CD34: variants seen among roughly 807,000 people sequenced by gnomAD.
The protein encoded by CD34 is hematopoietic progenitor cell antigen CD34.
CD34 carries 34 observed loss-of-function variants against 40.1 expected under a neutral mutation model. That is an observed-to-expected ratio of 0.85 (90% CI 0.65 to 1.13). CD34 has a LOEUF of 1.13. Ranked by LOEUF, CD34 falls within the 50% of genes most tolerant of loss-of-function variation. The pLI is 0.00. For synonymous variants in CD34, 209 were observed against 190.0 expected (o/e 1.10, Z -0.82); for missense variants, 426 against 466.9 (o/e 0.91, Z 0.81).
At chr1:207,909,754 T>G (rs1212083000) in intron 1 of CD34, among the ~76,000 whole-genome samples, 1 of 152,182 alleles carries the variant, frequency 6.6e-6, no homozygotes, top group African/African-American at 2.4e-5. Context: ...CTCTAGAATT[T>G]TGAAACCTCA....
At position 207,886,706 on chromosome 1, in the gene CD34, G is replaced by A. The variant is rs531709343; in HGVS notation, c.*1032C>T. 1 of 152,750 alleles carries A rather than the reference G, an allele frequency of 6.5e-6. No individual in the cohort carries two copies. The highest frequency in any genetic ancestry group is 2.4e-5 in the African/African-American group (1 of 41,536). 9.5% of individuals were successfully genotyped at this position (152,750 alleles called of 1,614,324 possible). ...GAAATCAACAGCAAACAAGGACCTG[G>A]GTCACCCACAGAAGAGGCAGCTGGT... is the stretch of plus-strand genomic sequence containing the variant. On this transcript the variant is annotated 3_prime_UTR_variant, in exon 8 of 8. Coordinates refer to ENST00000310833, the MANE Select transcript of CD34 (RefSeq NM_001025109.2).
At chr1:207,889,270 AC>A in intron 5 of CD34, 57 bp from the exon 6 acceptor site, 1 of 1,612,696 alleles carries the variant, frequency 6.2e-7, no homozygotes, top group South Asian at 1.1e-5. Flanking sequence ...ATCCTGCTCC[AC>A]CCTCCCATGC....
At position 207,889,139 on chromosome 1, in the gene CD34, C is replaced by A. The variant is rs750419689; in HGVS notation, c.807+22G>T. On this transcript the variant is annotated intron_variant, in intron 6 of 7. Coordinates refer to ENST00000310833, the MANE Select transcript of CD34 (RefSeq NM_001025109.2). ...CCCTGCCCCGGCATTCCCTCTCAGG[C>A]CCATCATCTCAGAGGACTTACCTTT... 1.1e-5 allele frequency: 16 copies of A among 1,407,312 alleles called. No homozygotes were observed. The East Asian group carries it at 3.6e-4, about 32-fold the overall frequency. 87.2% of individuals were successfully genotyped at this position (1,407,312 alleles called of 1,614,324 possible).
At chr1:207,893,043 C>T (rs900721320) in intron 4 of CD34, among the ~76,000 whole-genome samples, 1 of 152,110 alleles carries the variant, frequency 6.6e-6, no homozygotes, top group Non-Finnish European at 1.5e-5. Flanking sequence ...AATGCTTCTC[C>T]GGACACTTGG....
At position 207,907,633 on chromosome 1, in the gene CD34, C is replaced by T. The variant is rs77178758; in HGVS notation, c.79+3369G>A. 5.4e-3 allele frequency among the ~76,000 whole-genome samples: 826 copies of T among 152,278 alleles called. 3 individuals are homozygous for T. Among genetic ancestry groups the T allele is most frequent in the Non-Finnish European group, 9.4e-3 (637 of 68,022 alleles). On this transcript the variant is annotated intron_variant, in intron 1 of 7. Transcript: ENST00000310833. The stretch of plus-strand genomic sequence containing the variant: ...GCATCTGAAGGGAAGTAACTCATTC[C>T]GACGGACTCCAAGAGCACAGGTACT...
chr1:207,888,116 C>G lies in CD34; in HGVS notation c.973-193G>C, dbSNP rs777609626. 3 of 1,613,854 alleles carry G rather than the reference C, an allele frequency of 1.9e-6. No homozygotes were observed. In the African/African-American group the frequency reaches 4.0e-5, roughly 22 times the overall value. On this transcript the variant is annotated intron_variant, in intron 7 of 7. Coordinates refer to ENST00000310833, the MANE Select transcript of CD34 (RefSeq NM_001025109.2). ...TCCTGAAGAGTGGTCAGGGTTCCAG[C>G]TCCTAGAGGAGAAAGGACATAGGAG...
intron 1 of CD34, among the ~76,000 whole-genome samples, chr1:207,907,756 T>TA (rs1662411823): frequency 6.6e-6 from 1 of 152,222 alleles, no homozygotes; most frequent in Admixed American, 6.5e-5. Flanking sequence ...GCTCTGGGAC[T>TA]AAAAGTCATA....
Position 207,889,477 on chromosome 1 carries a change from C to T in CD34, c.742G>A (p.Ala248Thr). 2 of 1,612,266 alleles carry T rather than the reference C, an allele frequency of 1.2e-6. No homozygotes were observed. The highest frequency in any genetic ancestry group is 8.5e-7 in the Non-Finnish European group (1 of 1,178,974). ...AGGTGCACCTTACCTGTTCTGTTGGCCAAGACCAGCAGTAGACACTGAGGC... is the reference window on the plus strand; with the variant it reads ...AGGTGCACCTTACCTGTTCTGTTGGTCAAGACCAGCAGTAGACACTGAGGC... ...VRPQCLLLVL[A>T]NRTEISSKLQ... Residue 248 changes from alanine (A) to threonine (T), a missense_variant, in exon 5 of 8, where the codon GCC becomes ACC. Ala to Thr is a moderately conservative substitution (Grantham distance 58). Coordinates refer to ENST00000310833, the MANE Select transcript of CD34 (RefSeq NM_001025109.2).
chr1:207,907,576 C>A (rs1033295603), intron 1 of CD34, among the ~76,000 whole-genome samples: 7 of 152,206 alleles, frequency 4.6e-5, no homozygotes, highest in African/African-American at 1.7e-4. Context: ...AAGAAGCCTA[C>A]TTCCCAATTA....
chr1:207,898,983 C>T lies in CD34; in HGVS notation c.506G>A (p.Ser169Asn), dbSNP rs1395567495. 1.9e-6 allele frequency: 3 copies of T among 1,614,158 alleles called. No individual in the cohort carries two copies. The highest frequency in any genetic ancestry group is 2.2e-5 in the South Asian group (2 of 91,082). The change falls in exon 3 of 8, where the codon AGT becomes AAT. Residue 169 changes from serine (S) to asparagine (N), a missense_variant. By Grantham distance (46) the Ser-to-Asn change is conservative (BLOSUM62 1). Coordinates refer to ENST00000310833, the MANE Select transcript of CD34 (RefSeq NM_001025109.2). ...KPYTSSSPIL[S>N]DIKAEIKCSG... Reference sequence around the variant, plus strand: ...GCCCAATTCACCCACCTTGATGTCACTTAGGATAGGAGAAGATGATGTATA... The same window carrying T: ...GCCCAATTCACCCACCTTGATGTCATTTAGGATAGGAGAAGATGATGTATA...
intron 1 of CD34, among the ~76,000 whole-genome samples, chr1:207,907,146 G>C (rs1662399142): frequency 6.6e-6 from 1 of 152,122 alleles, no homozygotes; most frequent in South Asian, 2.1e-4. Context: ...GAAAGGTTGA[G>C]GGCATGGAAC....
At chr1:207,888,016 G>A (rs549228572) in intron 7 of CD34, 93 bp from the exon 8 acceptor site, 2 of 1,554,212 alleles carry the variant, frequency 1.3e-6, no homozygotes, top group African/African-American at 1.4e-5. Flanking sequence ...TGGGGGCAGG[G>A]GTGGGAGAAG....
rs1661856810 is a variant in CD34, at chr1:207,884,139, C to A, written c.*3599G>T. 1 of 152,206 alleles carries A rather than the reference C, an allele frequency of 6.6e-6. No homozygotes were observed. The highest frequency in any genetic ancestry group is 1.5e-5 in the Non-Finnish European group (1 of 68,048). The allele number at this position is 152,206 out of a possible 1,614,324, so 9.4% of individuals were successfully genotyped here. On this transcript the variant is annotated 3_prime_UTR_variant, in exon 8 of 8. Coordinates refer to ENST00000310833, the MANE Select transcript of CD34 (RefSeq NM_001025109.2). ...GGCAGCTTTTCATCATAGGGCTTTG[C>A]ACTTGTCCTTTCCCCTGTGTGGGAT...
chr1:207,910,134 T>A (rs1473048573), intron 1 of CD34, among the ~76,000 whole-genome samples: 1 of 152,190 alleles, frequency 6.6e-6, no homozygotes, highest in Non-Finnish European at 1.5e-5. Flanking sequence ...TATTTTTTTT[T>A]TAACCGAAGT....
chr1:207,908,551 G>A (rs1282965107), intron 1 of CD34, among the ~76,000 whole-genome samples: 2 of 152,218 alleles, frequency 1.3e-5, no homozygotes, highest in Non-Finnish European at 2.9e-5. Flanking sequence ...CAGCAGGCAC[G>A]AAGGACCCAA....
In CD34 at chr1:207,887,740, AC is replaced by A; in HGVS notation, c.1155del (p.Leu385PhefsTer135). ...ARQHVVADTEL is the reference protein window; with the variant it reads ...ARQHVVADTEX ...CAGCCTTGCCCCACCTAGCCGAGTCACAATTCGGTATCAGCCACCACGTGTT... is the reference window on the plus strand; with the variant it reads ...CAGCCTTGCCCCACCTAGCCGAGTCAAATTCGGTATCAGCCACCACGTGTT... On this transcript the variant is annotated frameshift_variant, in exon 8 of 8. Coordinates refer to ENST00000310833, the MANE Select transcript of CD34 (RefSeq NM_001025109.2). LOFTEE classifies it high-confidence loss of function. The A allele has an allele frequency of 1.9e-6, 3 of 1,614,140 alleles. No homozygotes were observed. Among genetic ancestry groups the A allele is most frequent in the Non-Finnish European group, 2.5e-6 (3 of 1,180,010 alleles).
At chr1:207,910,758 C>G (rs1662492797) in intron 1 of CD34, among the ~76,000 whole-genome samples, 2 of 152,358 alleles carry the variant, frequency 1.3e-5, no homozygotes, top group South Asian at 4.1e-4. Flanking sequence ...ACCAGTCGTG[C>G]TGACCGATTC....
intron 3 of CD34, 92 bp from the exon 4 acceptor site, chr1:207,897,665 C>A: frequency 1.1e-6 from 1 of 939,006 alleles, no homozygotes; most frequent in African/African-American, 1.6e-5. Context: ...AGTTTGCTTT[C>A]TGTGAGGTGC....
intron 4 of CD34, among the ~76,000 whole-genome samples, chr1:207,893,455 T>C (rs1219022046): frequency 1.3e-5 from 2 of 152,132 alleles, no homozygotes; most frequent in African/African-American, 4.8e-5. Flanking sequence ...TATTTTCACA[T>C]AGAAAATGGA....
Sources: gnomAD v4.1 joint callset for allele counts (sites outside exome capture counted in the v4.1 genomes callset) on GRCh38, gnomAD v4.1.1 for gene constraint, MANE v1.5 for transcripts, NCBI Gene and HGNC (gene_info 2026-07-23, HGNC 2026-07-21) for gene names.